Variants in TGFBR2 observed in about 807,000 individuals in gnomAD.
The protein encoded by TGFBR2 is transforming growth factor beta receptor 2.
In TGFBR2, 18 loss-of-function variants were observed where a neutral mutation model predicts 49.0. The ratio of observed to expected loss-of-function variants is 0.37; its 90% CI spans 0.25 to 0.54. The LOEUF is 0.54. TGFBR2 is among the 20% of genes least tolerant of loss of function. TGFBR2 has a pLI of 0.85. For synonymous variants in TGFBR2, 282 were observed against 275.9 expected, an observed-to-expected ratio of 1.02 and a Z score of -0.22; for missense variants, 525 against 722.6, an observed-to-expected ratio of 0.73 and a Z score of 3.13.
chr3:30,613,131 CTTTTT>C (rs5847644), intron 1 of TGFBR2, among the ~76,000 whole-genome samples: 2 of 129,322 alleles, frequency 1.5e-5, no homozygotes, highest in African/African-American at 5.7e-5. Flanking sequence ...ACATGCAGCT[CTTTTT>C]TTTTTTTTTT....
chr3:30,624,609 C>G (rs542662079), intron 1 of TGFBR2, among the ~76,000 whole-genome samples: 1 of 147,774 alleles, frequency 6.8e-6, no homozygotes, highest in African/African-American at 2.5e-5. Context: ...AGCAAGACTC[C>G]GTCTCAAAGG....
At position 30,627,027 on chromosome 3, in the gene TGFBR2, C is replaced by T. The variant is rs1698344229; in HGVS notation, c.95-17720C>T. On this transcript the variant is annotated intron_variant, in intron 1 of 6. Transcript: ENST00000295754. The stretch of plus-strand genomic sequence containing the variant: ...TGACGTAATAAAACCACTGCAAAGC[C>T]AGGAGTTTGTGATGGGAAGATAGGA... 2.0e-5 allele frequency among the ~76,000 whole-genome samples: 3 copies of T among 152,108 alleles called. No individual in the cohort carries two copies. In the South Asian group the frequency reaches 6.2e-4, roughly 32 times the overall value.
intron 1 of TGFBR2, among the ~76,000 whole-genome samples, chr3:30,616,986 A>C (rs547132468): frequency 6.6e-6 from 1 of 152,290 alleles, no homozygotes; most frequent in South Asian, 2.1e-4. Context: ...GAATTGGTTA[A>C]AATGTCTGTG....
At position 30,653,057 on chromosome 3, in the gene TGFBR2, G is replaced by A. The variant is rs542140026; in HGVS notation, c.454+2597G>A. On this transcript the variant is annotated intron_variant, in intron 3 of 6. Transcript: ENST00000295754. ...GTACAGGAAGCCTTTCACAGCTGAC[G>A]ACTCAAATGTCTGGGTGATTTCAGA... is the stretch of plus-strand genomic sequence containing the variant. Among the ~76,000 whole-genome samples, 43 of 152,090 alleles carry A rather than the reference G, an allele frequency of 2.8e-4. No homozygotes were observed. In the South Asian group the frequency reaches 8.5e-3, roughly 30 times the overall value.
intron 3 of TGFBR2, among the ~76,000 whole-genome samples, chr3:30,655,063 C>T (rs1346375367): frequency 6.6e-6 from 1 of 152,204 alleles, no homozygotes; most frequent in Non-Finnish European, 1.5e-5. Context: ...CTCCATGCTT[C>T]AGTCTCTTCA....
chr3:30,661,763 A>T (rs1055767872), intron 3 of TGFBR2: 18 of 349,784 alleles, frequency 5.1e-5, no homozygotes, highest in African/African-American at 3.9e-4. Flanking sequence ...GTCCTGCTGT[A>T]ATCTTTGCTA....
intron 1 of TGFBR2, among the ~76,000 whole-genome samples, chr3:30,634,718 A>G (rs769048473): frequency 2.0e-5 from 3 of 152,190 alleles, no homozygotes; most frequent in Non-Finnish European, 4.4e-5. Flanking sequence ...TTCAATAATA[A>G]ATTATTTCCT....
At chr3:30,651,340 A>G (rs1301373469) in intron 3 of TGFBR2, among the ~76,000 whole-genome samples, 3 of 152,076 alleles carry the variant, frequency 2.0e-5, no homozygotes, top group Non-Finnish European at 4.4e-5. Flanking sequence ...ATTCATTCAT[A>G]TTATCTCCCA....
intron 3 of TGFBR2, among the ~76,000 whole-genome samples, chr3:30,658,796 GT>G (rs1298265934): frequency 4.6e-5 from 7 of 152,150 alleles, no homozygotes; most frequent in Admixed American, 4.6e-4. Flanking sequence ...CAGACACGCG[GT>G]TTCCTGTCTA....
At chr3:30,650,130 G>A (rs1300010154) in intron 2 of TGFBR2, 140 bp from the exon 3 acceptor site, 2 of 817,138 alleles carry the variant, frequency 2.4e-6, no homozygotes. Context: ...TGGAGAACAG[G>A]AACCAGCTGC....
At chr3:30,611,592 T>TG (rs1159085183) in intron 1 of TGFBR2, among the ~76,000 whole-genome samples, 2 of 152,114 alleles carry the variant, frequency 1.3e-5, no homozygotes, top group African/African-American at 4.8e-5. Context: ...CTTTTTTTTT[T>TG]TTTTCATAGA....
At position 30,671,924 on chromosome 3, in the gene TGFBR2, C is replaced by T. The variant is rs764798720; in HGVS notation, c.741C>T (p.Asp247=). The T allele has an allele frequency of 3.1e-6, 5 of 1,614,232 alleles. No individual in the cohort carries two copies. In the South Asian group the frequency reaches 5.5e-5, roughly 18 times the overall value. The change falls in exon 4 of 7, where the codon GAC becomes GAT. Residue 247 remains aspartate (D), a synonymous_variant. Coordinates refer to ENST00000295754, the MANE Select transcript of TGFBR2 (RefSeq NM_003242.6). ...HNTELLPIEL[D]TLVGKGRFAE... ...CAGAGCTGCTGCCCATTGAGCTGGA[C>T]ACCCTGGTGGGGAAAGGTCGCTTTG...
At chr3:30,609,897 A>T (rs929656168) in intron 1 of TGFBR2, among the ~76,000 whole-genome samples, 24 of 152,312 alleles carry the variant, frequency 1.6e-4, no homozygotes, top group Non-Finnish European at 2.6e-4. Flanking sequence ...ATTTATACAA[A>T]ATACTAATCA....
At position 30,668,774 on chromosome 3, in the gene TGFBR2, AT is replaced by A. The variant is rs933328147; in HGVS notation, c.455-2854del. ...TCATATATCTTTCCAAAAAATGGTGATTTTTTTTTTCCCTCTTGGTTGCTGG... is the reference window on the plus strand; with the variant it reads ...TCATATATCTTTCCAAAAAATGGTGATTTTTTTTTCCCTCTTGGTTGCTGG... On this transcript the variant is annotated intron_variant, in intron 3 of 6. Coordinates refer to ENST00000295754, the MANE Select transcript of TGFBR2 (RefSeq NM_003242.6). Among the ~76,000 whole-genome samples, 514 of 148,750 alleles carry A rather than the reference AT, an allele frequency of 3.5e-3. 1 individual carries two copies. Among genetic ancestry groups the A allele is most frequent in the Non-Finnish European group, 5.6e-3 (374 of 67,066 alleles).
chr3:30,630,407 G>A (rs1013826113), intron 1 of TGFBR2, among the ~76,000 whole-genome samples: 2 of 152,180 alleles, frequency 1.3e-5, no homozygotes, highest in Non-Finnish European at 2.9e-5. Context: ...TTTATCTCTA[G>A]TACTAAATGT....
Position 30,631,621 on chromosome 3 carries a change from C to CT in TGFBR2, c.95-13104dup, listed in dbSNP as rs71093918. Among the ~76,000 whole-genome samples, 823 of 115,372 alleles carry CT rather than the reference C, an allele frequency of 7.1e-3. 6 individuals carry two copies. Among genetic ancestry groups the CT allele is most frequent in the Middle Eastern group, 0.022 (5 of 226 alleles). 75.7% of individuals were successfully genotyped at this position (115,372 alleles called of 152,430 possible). A position where few individuals can be genotyped will look rare whatever the true frequency, so the allele number is the denominator to read the frequency against. The stretch of plus-strand genomic sequence containing the variant: ...CCTTAACAATACTTGCAACTTCTTT[C>CT]TTTTTTTTTTTTTTTTTTTTTTACT... On this transcript the variant is annotated intron_variant, in intron 1 of 6. Transcript: ENST00000295754.
chr3:30,664,181 A>G (rs1366252928), intron 3 of TGFBR2, among the ~76,000 whole-genome samples: 1 of 151,074 alleles, frequency 6.6e-6, no homozygotes, highest in African/African-American at 2.4e-5. Flanking sequence ...ACAGGGTCTC[A>G]ATATATTGCC....
Position 30,691,909 on chromosome 3 carries a change from T to A in TGFBR2, c.*310T>A, listed in dbSNP as rs1436075056. ...GTATATAAATATGAATAGCTATGTT[T>A]TATATATATATATATATATCTATAT... On this transcript the variant is annotated 3_prime_UTR_variant, in exon 7 of 7. Coordinates refer to ENST00000295754, the MANE Select transcript of TGFBR2 (RefSeq NM_003242.6). 2.4e-4 allele frequency: 60 copies of A among 247,478 alleles called. No homozygotes were observed. Among genetic ancestry groups the A allele is most frequent in the African/African-American group, 1.0e-3 (44 of 43,962 alleles). The allele number at this position is 247,478 out of a possible 1,614,324, so 15.3% of individuals were successfully genotyped here. A position where few individuals can be genotyped will look rare whatever the true frequency, so the allele number is the denominator to read the frequency against.
chr3:30,626,418 G>C (rs1199585614), intron 1 of TGFBR2: 1 of 152,476 alleles, frequency 6.6e-6, no homozygotes, highest in African/African-American at 2.4e-5. Context: ...GCTGGTAGTG[G>C]GGGGAATGGA....
Sources: allele counts gnomAD v4.1 joint callset (sites outside exome capture counted in the v4.1 genomes callset), GRCh38; gene constraint gnomAD v4.1.1; transcripts MANE v1.5; gene names NCBI Gene and HGNC (gene_info 2026-07-23, HGNC 2026-07-21).